The following ZEB1 variants were observed in gnomAD, a reference collection of about 807,000 sequenced individuals.
ZEB1 encodes zinc finger E-box-binding homeobox 1.
ZEB1 carries 21 observed loss-of-function variants against 84.9 expected under a neutral mutation model. The ratio of observed to expected loss-of-function variants is 0.25; its 90% CI spans 0.18 to 0.36. The LOEUF is 0.36. Among genes scored for constraint, ZEB1 ranks in the 10% least tolerant of loss-of-function variants. The pLI, the probability that ZEB1 is intolerant of heterozygous loss-of-function variation, is 1.00. For missense variants in ZEB1, 1,104 were observed against 1,330.2 expected (o/e 0.83, Z 2.65); for synonymous variants, 420 against 471.1 (o/e 0.89, Z 1.41).
At chr10:31,390,200 A>G (rs767792303) in intron 1 of ZEB1, among the ~76,000 whole-genome samples, 17 of 152,200 alleles carry the variant, frequency 1.1e-4, no homozygotes, top group African/African-American at 1.7e-4. Context: ...TCGAAATTCA[A>G]ATTTGACTGG....
intron 2 of ZEB1, among the ~76,000 whole-genome samples, chr10:31,485,365 A>C (rs1052551420): frequency 6.6e-6 from 1 of 151,676 alleles, no homozygotes; most frequent in African/African-American, 2.4e-5. Context: ...GAGTTGTATC[A>C]CTCCCCAAAG....
rs1483894532 is a variant in ZEB1, at chr10:31,526,892, A to C, written c.3006A>C (p.Ala1002=). The change falls in exon 9 of 9, where the codon GCA becomes GCC. Residue 1002 remains alanine, a synonymous_variant. Transcript: ENST00000424869. ...EERDSTEQEE[A]GPEILSNEHV... The stretch of plus-strand genomic sequence containing the variant: ...GTGACAGCACAGAGCAGGAAGAGGC[A>C]GGGCCTGAAATCCTCTCGAATGAGC... 6.2e-7 allele frequency: 1 copy of C among 1,614,204 alleles called. No homozygotes were observed. Among genetic ancestry groups the C allele is most frequent in the Non-Finnish European group, 8.5e-7 (1 of 1,180,044 alleles).
chr10:31,397,372 C>T (rs949070096), intron 1 of ZEB1, among the ~76,000 whole-genome samples: 4 of 151,558 alleles, frequency 2.6e-5, no homozygotes, highest in African/African-American at 9.7e-5. Flanking sequence ...GATTATATAA[C>T]CAGAGATAGT....
At chr10:31,373,272 A>G (rs2046027964) in intron 1 of ZEB1, 1 of 966,982 alleles carries the variant, frequency 1.0e-6, no homozygotes, top group Non-Finnish European at 1.2e-6. Flanking sequence ...TTTAAAATCT[A>G]GGACATAATG....
At chr10:31,452,102 A>AC (rs2060629034) in intron 1 of ZEB1, among the ~76,000 whole-genome samples, 3 of 152,102 alleles carry the variant, frequency 2.0e-5, no homozygotes, top group Non-Finnish European at 2.9e-5. Flanking sequence ...TTTTGAAAAT[A>AC]TAAAAAGAGT....
intron 1 of ZEB1, among the ~76,000 whole-genome samples, chr10:31,332,879 C>T (rs950364384): frequency 6.6e-6 from 1 of 152,060 alleles, no homozygotes. Context: ...TATTATATAG[C>T]GTATTTTTTA....
intron 1 of ZEB1, among the ~76,000 whole-genome samples, chr10:31,341,082 T>A (rs1457085725): frequency 6.6e-6 from 1 of 152,152 alleles, no homozygotes; most frequent in Non-Finnish European, 1.5e-5. Flanking sequence ...ACTTCATCTT[T>A]TTGTGAGTTG....
At position 31,514,627 on chromosome 10, in the gene ZEB1, A is replaced by T; in HGVS notation, c.712A>T (p.Asn238Tyr). The T allele has an allele frequency of 6.2e-7, 1 of 1,612,788 alleles. No individual in the cohort carries two copies. Among genetic ancestry groups the T allele is most frequent in the South Asian group, 1.1e-5 (1 of 91,038 alleles). ...GAGACATGTGACGCAGTCTGGGTGTAATCGTAAATTCAAATGCACTGAGTG... is the reference window on the plus strand; with the variant it reads ...GAGACATGTGACGCAGTCTGGGTGTTATCGTAAATTCAAATGCACTGAGTG... ...DQRHVTQSGC[N>Y]RKFKCTECGK... Residue 238 changes from asparagine (N) to tyrosine (Y), a missense_variant, in exon 6 of 9, where the codon AAT becomes TAT. Around this residue, in one of 7 missense-constraint regions of ZEB1, gnomAD observed 71 missense variants for 119.1 expected, o/e 0.60. Transcript: ENST00000424869.
At chr10:31,357,786 A>G (rs1371855155) in intron 1 of ZEB1, among the ~76,000 whole-genome samples, 1 of 152,136 alleles carries the variant, frequency 6.6e-6, no homozygotes, top group Non-Finnish European at 1.5e-5. Flanking sequence ...GAAAATACAT[A>G]TATTAGGATT....
chr10:31,502,346 A>T lies in ZEB1; in HGVS notation c.323-2A>T, dbSNP rs749986469. The stretch of plus-strand genomic sequence containing the variant: ...TGTCTTAAAAGTATGCATTTTTTTT[A>T]GTAAAAGATGATGAATGCGAGTCAG... On this transcript the variant is annotated splice_acceptor_variant, in intron 3 of 8. Transcript: ENST00000424869. LOFTEE classifies it high-confidence loss of function. 3 of 1,613,204 alleles carry T rather than the reference A, an allele frequency of 1.9e-6. No homozygotes were observed. The highest frequency in any genetic ancestry group is 2.5e-6 in the Non-Finnish European group (3 of 1,179,540).
intron 1 of ZEB1, among the ~76,000 whole-genome samples, chr10:31,407,255 C>G (rs1239225045): frequency 1.5e-4 from 19 of 123,664 alleles, no homozygotes; most frequent in Non-Finnish European, 2.5e-4. Flanking sequence ...CTCCCCCCAC[C>G]CCACCACAGT....
At chr10:31,522,982 A>G (rs1226002032) in intron 7 of ZEB1, among the ~76,000 whole-genome samples, 2 of 152,238 alleles carry the variant, frequency 1.3e-5, no homozygotes, top group African/African-American at 2.4e-5. Context: ...AGCATTTCAT[A>G]GACTCACGTG....
At chr10:31,409,583 T>C (rs1198182594) in intron 1 of ZEB1, among the ~76,000 whole-genome samples, 5 of 152,094 alleles carry the variant, frequency 3.3e-5, no homozygotes, top group African/African-American at 4.8e-5. Flanking sequence ...TAACATTCAA[T>C]TTGTAAATTA....
chr10:31,450,016 G>A (rs941571773), intron 1 of ZEB1, among the ~76,000 whole-genome samples: 3 of 152,168 alleles, frequency 2.0e-5, no homozygotes, highest in African/African-American at 7.2e-5. Context: ...TTTGAGCCAG[G>A]CAGTTAGGTT....
At chr10:31,423,020 C>T (rs1036993123) in intron 1 of ZEB1, among the ~76,000 whole-genome samples, 4 of 151,610 alleles carry the variant, frequency 2.6e-5, no homozygotes, top group African/African-American at 7.3e-5. Flanking sequence ...TTAATGGCTG[C>T]GTAGCATTTC....
intron 1 of ZEB1, among the ~76,000 whole-genome samples, chr10:31,355,449 AC>A (rs2041964842): frequency 6.6e-6 from 1 of 152,202 alleles, no homozygotes; most frequent in Non-Finnish European, 1.5e-5. Context: ...CCATGTCCTC[AC>A]GAAACCAGCA....
intron 1 of ZEB1, among the ~76,000 whole-genome samples, chr10:31,399,205 G>A (rs947885605): frequency 5.9e-5 from 9 of 151,996 alleles, no homozygotes; most frequent in African/African-American, 1.9e-4. Context: ...ATGTCGGCCC[G>A]GCTGGTTTTG....
intron 2 of ZEB1, among the ~76,000 whole-genome samples, chr10:31,463,073 C>G (rs935281336): frequency 6.6e-6 from 1 of 152,052 alleles, no homozygotes; most frequent in Non-Finnish European, 1.5e-5. Flanking sequence ...ATACTAAGCT[C>G]AAACATTTTT....
rs369320650 is a variant in ZEB1, at chr10:31,479,952, A to G, written c.260-15824A>G. ...GTTCCAACATGTCTGTATTAATCTTACAAGATCTTGTGGTTCAGCCAAAAA... is the reference window on the plus strand; with the variant it reads ...GTTCCAACATGTCTGTATTAATCTTGCAAGATCTTGTGGTTCAGCCAAAAA... On this transcript the variant is annotated intron_variant, in intron 2 of 8. Transcript: ENST00000424869. Among the ~76,000 whole-genome samples the G allele has an allele frequency of 2.2e-4, 33 of 152,144 alleles. No individual in the cohort carries two copies. The South Asian group carries it at 6.6e-3, about 31-fold the overall frequency.
Sources: gnomAD v4.1 joint callset for allele counts (sites outside exome capture counted in the v4.1 genomes callset) on GRCh38, gnomAD v4.1.1 for gene constraint, gnomAD v4.1.1 regional missense constraint, MANE v1.5 for transcripts, NCBI Gene and HGNC (gene_info 2026-07-23, HGNC 2026-07-21) for gene names.